The following RPUSD4 variants were observed in gnomAD, a reference collection of about 807,000 sequenced individuals.
The protein encoded by RPUSD4 is RNA pseudouridine synthase D4.
A neutral mutation model predicts 35.4 loss-of-function variants in RPUSD4; 37 were observed. The observed-to-expected ratio is 1.04, with a 90% CI of 0.80 to 1.37. The LOEUF (loss-of-function observed/expected upper bound fraction) is 1.37. Ranked by LOEUF, RPUSD4 falls within the 40% of genes most tolerant of loss-of-function variation. The probability of loss-of-function intolerance (pLI) is 0.00; values close to 1 mark genes in which losing one functional copy is unlikely to be tolerated. For missense variants in RPUSD4, 507 were observed against 484.9 expected (o/e 1.05, Z -0.43); for synonymous variants, 210 against 192.7 (o/e 1.09, Z -0.74).
chr11:126,207,896 C>G (rs1159319733), intron 3 of RPUSD4, among the ~76,000 whole-genome samples: 5 of 151,796 alleles, frequency 3.3e-5, no homozygotes, highest in African/African-American at 1.2e-4. Flanking sequence ...ATAAACAACC[C>G]TGTAGAAAAA....
Position 126,209,608 on chromosome 11 carries a change from G to A in RPUSD4, c.470C>T (p.Thr157Ile), listed in dbSNP as rs995261346. The change falls in exon 3 of 7, where the codon ACA becomes ATA. Residue 157 changes from threonine (T) to isoleucine (I), a missense_variant. Thr to Ile is a moderately conservative substitution (Grantham distance 89, BLOSUM62 -1). Transcript: ENST00000298317. Reference protein sequence around the residue: ...HLCHRLDKETTGVMVLAWDKD... With the variant: ...HLCHRLDKETIGVMVLAWDKD... ...GTCCCAAGCCAACACCATTACACCT[G>A]TGGTTTCCTTGTCCAGCCGGTGGCA... 6.2e-7 allele frequency: 1 copy of A among 1,614,074 alleles called. No homozygotes were observed. The highest frequency in any genetic ancestry group is 1.3e-5 in the African/African-American group (1 of 74,914).
chr11:126,211,029 T>A lies in RPUSD4; in HGVS notation c.216A>T (p.Arg72Ser), dbSNP rs1312634860. 2.5e-6 allele frequency: 4 copies of A among 1,613,850 alleles called. No homozygotes were observed. The highest frequency in any genetic ancestry group is 8.5e-7 in the Non-Finnish European group (1 of 1,180,014). Reference protein sequence around the residue: ...EPVSTNAVQRRVQEIVRFTRQ... With the variant: ...EPVSTNAVQRSVQEIVRFTRQ... ...GTGTGAACCGCACTATTTCTTGCAC[T>A]CTCCGCTGAACAGCGTTTGTGGACA... Residue 72 changes from arginine to serine, a missense_variant, in exon 2 of 7, where the codon AGA becomes AGT. Transcript: ENST00000298317.
In RPUSD4 at chr11:126,205,681, C is replaced by T. The variant is rs775343467; in HGVS notation, c.651+7G>A. On this transcript the variant is annotated splice_region_variant and intron_variant, in intron 4 of 6. Transcript: ENST00000298317. ...CAACCCATGCCTCAGGGAGGCTGCTCGCTCACCTTGTGGTGTTGCTGCTGG... is the reference window on the plus strand; with the variant it reads ...CAACCCATGCCTCAGGGAGGCTGCTTGCTCACCTTGTGGTGTTGCTGCTGG... The T allele has an allele frequency of 3.7e-5, 59 of 1,612,744 alleles. 1 individual carries two copies. The Middle Eastern group carries it at 1.2e-3, about 31-fold the overall frequency.
At chr11:126,211,373 GACCCTCCT>G in intron 1 of RPUSD4, 69 bp downstream of exon 1, 1 of 1,449,958 alleles carries the variant, frequency 6.9e-7, no homozygotes, top group South Asian at 1.4e-5. Context: ...TCACTCAGAG[GACCCTCCT>G]ACCTACTCCC....
chr11:126,206,446 A>G (rs1198565142), intron 3 of RPUSD4: 4 of 152,194 alleles, frequency 2.6e-5, no homozygotes, highest in African/African-American at 9.7e-5. Context: ...AATTCCAGCT[A>G]CTTGGGAGGC....
chr11:126,207,491 T>C lies in RPUSD4; in HGVS notation c.558-1710A>G, dbSNP rs570589593. ...CACAAAGTATCTGCAAAATCTGTAA[T>C]CTAAAAAGGACTAACATTCAAAATA... On this transcript the variant is annotated intron_variant, in intron 3 of 6. Coordinates refer to ENST00000298317, the MANE Select transcript of RPUSD4 (RefSeq NM_032795.3). Among the ~76,000 whole-genome samples the C allele has an allele frequency of 3.3e-5, 5 of 152,322 alleles. No homozygotes were observed. The South Asian group carries it at 1.0e-3, about 32-fold the overall frequency.
intron 3 of RPUSD4, among the ~76,000 whole-genome samples, chr11:126,208,142 G>A (rs1410431592): frequency 1.3e-5 from 2 of 151,972 alleles, no homozygotes; most frequent in Admixed American, 6.5e-5. Context: ...CCTTTGTGGA[G>A]AGCAATGTGA....
intron 6 of RPUSD4, 122 bp from the exon 7 acceptor site, chr11:126,203,779 TG>T: frequency 7.9e-7 from 1 of 1,260,292 alleles, no homozygotes. Flanking sequence ...GACACAGTAA[TG>T]GAGAGTCTGC....
chr11:126,210,721 T>C (rs1046919886), intron 2 of RPUSD4, among the ~76,000 whole-genome samples, 169 bp downstream of exon 2: 2 of 115,260 alleles, frequency 1.7e-5, no homozygotes, highest in African/African-American at 5.8e-5. Flanking sequence ...ACTGTCTTAT[T>C]TATTTATTTC....
At chr11:126,208,473 G>A (rs1458425881) in intron 3 of RPUSD4, 3 of 152,214 alleles carry the variant, frequency 2.0e-5, no homozygotes, top group Non-Finnish European at 4.4e-5. Context: ...CAGTCACAGC[G>A]ATTGACGCTG....
rs1385020424 is a variant in RPUSD4, at chr11:126,211,061, G to A, written c.190-6C>T. 1 of 1,609,260 alleles carries A rather than the reference G, an allele frequency of 6.2e-7. No individual in the cohort carries two copies. The highest frequency in any genetic ancestry group is 1.4e-5 in the African/African-American group (1 of 71,636). On this transcript the variant is annotated splice_polypyrimidine_tract_variant and splice_region_variant and intron_variant, in intron 1 of 6. Coordinates refer to ENST00000298317, the MANE Select transcript of RPUSD4 (RefSeq NM_032795.3). ...TGAACAGCGTTTGTGGACACCTAGG[G>A]AGAAAGAAGGAGCCGTGGGGAATGC...
In RPUSD4 at chr11:126,204,228, T is replaced by A. The variant is rs1413054405; in HGVS notation, c.894+3A>T. 6.2e-7 allele frequency: 1 copy of A among 1,607,950 alleles called. No homozygotes were observed. The highest frequency in any genetic ancestry group is 1.3e-5 in the African/African-American group (1 of 74,910). ...GCTGCACATTGGGTCAAATTAGTAT[T>A]ACCTGGGGGGCCAACCTATTCCAGT... On this transcript the variant is annotated splice_donor_region_variant and intron_variant, in intron 6 of 6. Coordinates refer to ENST00000298317, the MANE Select transcript of RPUSD4 (RefSeq NM_032795.3).
intron 5 of RPUSD4, among the ~76,000 whole-genome samples, chr11:126,204,901 T>C (rs1357623017): frequency 6.6e-6 from 1 of 152,228 alleles, no homozygotes; most frequent in East Asian, 1.9e-4. Flanking sequence ...TTTCTGTCTC[T>C]ATACATCTGA....
At chr11:126,209,392 A>G in intron 3 of RPUSD4, 129 bp downstream of exon 3, 2 of 757,460 alleles carry the variant, frequency 2.6e-6, no homozygotes, top group East Asian at 5.0e-5. Context: ...TGTTTCACAT[A>G]TTTTTTACAA....
chr11:126,209,482 C>T, intron 3 of RPUSD4, 39 bp downstream of exon 3: 2 of 1,543,434 alleles, frequency 1.3e-6, no homozygotes, highest in Non-Finnish European at 1.8e-6. Flanking sequence ...GAAATGCCTC[C>T]ACTTATACCA....
intron 5 of RPUSD4, 22 bp from the exon 6 acceptor site, chr11:126,204,350 AAGAG>A (rs752428601): frequency 6.5e-7 from 1 of 1,533,118 alleles, no homozygotes; most frequent in South Asian, 1.1e-5. Context: ...GAGAGAGAGA[AAGAG>A]AGAAAACTCG....
In RPUSD4 at chr11:126,210,839, T is replaced by C. The variant is rs7947436; in HGVS notation, c.355+51A>G. 2,132 of 1,556,712 alleles carry C rather than the reference T, an allele frequency of 1.4e-3. 27 individuals carry two copies. The African/African-American group carries it at 0.026, about 19-fold the overall frequency. The stretch of plus-strand genomic sequence containing the variant: ...AAGTAACGTCTCAGTTTTCCTCGGT[T>C]GTAGCAGAAAGCAGCTGCAGGTTCC... On this transcript the variant is annotated intron_variant, in intron 2 of 6. Transcript: ENST00000298317.
intron 5 of RPUSD4, 151 bp downstream of exon 5, chr11:126,205,317 C>T: frequency 1.1e-6 from 1 of 874,308 alleles, no homozygotes; most frequent in Non-Finnish European, 1.7e-6. Flanking sequence ...TAGCCACAAC[C>T]ATCTCTCTGG....
At chr11:126,210,773 A>T in intron 2 of RPUSD4, 117 bp downstream of exon 2, 1 of 1,011,066 alleles carries the variant, frequency 9.9e-7, no homozygotes, top group Non-Finnish European at 1.4e-6. Context: ...TAGTTTACAA[A>T]AGTTTAATTA....
Sources: allele counts gnomAD v4.1 joint callset (sites outside exome capture counted in the v4.1 genomes callset), GRCh38; gene constraint gnomAD v4.1.1; transcripts MANE v1.5; gene names NCBI Gene and HGNC (gene_info 2026-07-23, HGNC 2026-07-21).